Variants in ZNF417 observed in about 807,000 individuals in gnomAD.
The protein encoded by ZNF417 is zinc finger protein 417.
In ZNF417, 5 loss-of-function variants were observed where a neutral mutation model predicts 7.4. That is an observed-to-expected ratio of 0.68 (90% CI 0.35 to 1.43). The LOEUF (loss-of-function observed/expected upper bound fraction) is 1.43, where lower values mean the gene tolerates loss of function less well. ZNF417 is among the 40% of genes most tolerant of loss of function. The pLI is 0.04. For missense variants in ZNF417, 437 were observed against 697.3 expected (o/e 0.63, Z 4.20); for synonymous variants, 147 against 239.1 (o/e 0.61, Z 3.55).
At chr19:57,914,135 A>G (rs188323714) in intron 1 of ZNF417, among the ~76,000 whole-genome samples, 12 of 152,278 alleles carry the variant, frequency 7.9e-5, no homozygotes, top group Non-Finnish European at 1.3e-4. Flanking sequence ...TGCTAAGATC[A>G]AAAACCTTGG....
rs771388238 is a variant in ZNF417 at position 57,909,276 on chromosome 19, A to C, written c.1002T>G (p.Gly334=). The C allele has an allele frequency of 1.9e-6, 3 of 1,613,996 alleles. No homozygotes were observed. The Admixed American group carries it at 5.0e-5, about 27-fold the overall frequency. The change falls in exon 3 of 3, where the codon GGT becomes GGG. Residue 334 remains glycine (G), a synonymous_variant. Transcript: ENST00000312026. ...YECREYGKSF[G]QKGNLIQHQQ... is the part of the protein sequence containing the mutation. The stretch of plus-strand genomic sequence containing the variant: ...GATGTTGAATGAGGTTACCCTTTTG[A>C]CCAAAAGATTTCCCATATTCTCTAC...
In ZNF417 at chr19:57,916,528, C is replaced by G. The variant is rs994913227; in HGVS notation, c.-117G>C. 4 of 1,572,634 alleles carry G rather than the reference C, an allele frequency of 2.5e-6. No homozygotes were observed. The highest frequency in any genetic ancestry group is 2.6e-6 in the Non-Finnish European group (3 of 1,160,084). The stretch of plus-strand genomic sequence containing the variant: ...CCTTCTAGGTTCAGTCACCGCGGTC[C>G]CCCCCCAGCACTCAGGGGCCACAAA... On this transcript the variant is annotated 5_prime_UTR_variant, in exon 1 of 3. Transcript: ENST00000312026.
intron 1 of ZNF417, among the ~76,000 whole-genome samples, chr19:57,915,952 A>C (rs1381666524): frequency 6.6e-6 from 1 of 152,170 alleles, no homozygotes; most frequent in African/African-American, 2.4e-5. Context: ...CTGCCATCCC[A>C]CCCAGAACAG....
rs2071842169 is a variant in ZNF417 at position 57,907,354 on chromosome 19, AT to A, written c.*1195del. 6.5e-6 allele frequency: 1 copy of A among 153,730 alleles called. No individual in the cohort carries two copies. Among genetic ancestry groups the A allele is most frequent in the Non-Finnish European group, 1.5e-5 (1 of 68,214 alleles). 9.5% of individuals were successfully genotyped at this position (153,730 alleles called of 1,614,324 possible). A position where few individuals can be genotyped will look rare whatever the true frequency, so the allele number is the denominator to read the frequency against. ...CATATGTAAAAAATGTTATAAAGAC[AT>A]TAAGTGTCCACTCAATAACTTTGAT... On this transcript the variant is annotated 3_prime_UTR_variant, in exon 3 of 3. Coordinates refer to ENST00000312026, the MANE Select transcript of ZNF417 (RefSeq NM_152475.3).
At chr19:57,915,787 C>T (rs2071942266) in intron 1 of ZNF417, 3 of 411,286 alleles carry the variant, frequency 7.3e-6, no homozygotes, top group African/African-American at 2.1e-5. Context: ...AGGGGTCATG[C>T]AGCTTCTGAC....
chr19:57,915,381 C>A, intron 1 of ZNF417: 1 of 293,980 alleles, frequency 3.4e-6, no homozygotes, highest in South Asian at 4.4e-5. Flanking sequence ...CCAGGGAGAG[C>A]TCCACCTCAC....
rs548059639 is a variant in ZNF417 at position 57,908,448 on chromosome 19, T to A, written c.*102A>T. ...CCAAGGAGAGCAGACATTCTGATGT[T>A]TCCCAGATTGACAGCACTCATAAGG... On this transcript the variant is annotated 3_prime_UTR_variant, in exon 3 of 3. Coordinates refer to ENST00000312026, the MANE Select transcript of ZNF417 (RefSeq NM_152475.3). 8 of 1,590,484 alleles carry A rather than the reference T, an allele frequency of 5.0e-6. No individual in the cohort carries two copies. In the East Asian group the frequency reaches 6.7e-5, roughly 13 times the overall value.
At chr19:57,910,184 C>T (rs901961199) in intron 2 of ZNF417, 70 bp from the exon 3 acceptor site, 15 of 1,535,694 alleles carry the variant, frequency 9.8e-6, no homozygotes, top group Middle Eastern at 3.5e-4. Context: ...CCCACAAGTA[C>T]GTCTCACAAA....
intron 1 of ZNF417, 135 bp from the exon 2 acceptor site, chr19:57,912,324 C>G (rs1415348590): frequency 4.1e-6 from 6 of 1,476,136 alleles, no homozygotes; most frequent in Non-Finnish European, 5.4e-6. Context: ...CCACTAGTGC[C>G]TTTGTCTCTT....
Position 57,908,267 on chromosome 19 carries a change from G to C in ZNF417, c.*283C>G, listed in dbSNP as rs1165828605. 1 of 493,060 alleles carries C rather than the reference G, an allele frequency of 2.0e-6. No homozygotes were observed. The highest frequency in any genetic ancestry group is 1.9e-5 in the African/African-American group (1 of 51,884). The allele number at this position is 493,060 out of a possible 1,614,324, so 30.5% of individuals were successfully genotyped here. ...GAAAACCAAGTATTTGGCCGGGCAT[G>C]GTGTGGTGTACTCGTAATCTCAGCT... On this transcript the variant is annotated 3_prime_UTR_variant, in exon 3 of 3. Coordinates refer to ENST00000312026, the MANE Select transcript of ZNF417 (RefSeq NM_152475.3).
At position 57,909,383 on chromosome 19, in the gene ZNF417, C is replaced by G. The variant is rs553929805; in HGVS notation, c.895G>C (p.Glu299Gln). 2 of 1,614,196 alleles carry G rather than the reference C, an allele frequency of 1.2e-6. No individual in the cohort carries two copies. The highest frequency in any genetic ancestry group is 3.3e-5 in the Admixed American group (2 of 60,028). ...VHTGKTAYPC[E>Q]ECGKSFSQKG... ...TGACTAAAAGATTTCCCGCACTCCTCACAGGGATAAGCTGTCTTTCCAGTG... is the reference window on the plus strand; with the variant it reads ...TGACTAAAAGATTTCCCGCACTCCTGACAGGGATAAGCTGTCTTTCCAGTG... The change falls in exon 3 of 3, where the codon GAG becomes CAG. Residue 299 changes from glutamate (E) to glutamine (Q), a missense_variant. Around this residue, in one of 5 missense-constraint regions of ZNF417, gnomAD observed 34 missense variants for 33.3 expected, o/e 1.02. Coordinates refer to ENST00000312026, the MANE Select transcript of ZNF417 (RefSeq NM_152475.3).
chr19:57,909,136 T>C lies in ZNF417; in HGVS notation c.1142A>G (p.Lys381Arg), dbSNP rs561975277. The C allele has an allele frequency of 1.2e-5, 20 of 1,614,030 alleles. No homozygotes were observed. In the Admixed American group the frequency reaches 3.2e-4, roughly 26 times the overall value. Reference sequence around the variant, plus strand: ...AAAAGATTTTCCACATTCTCCACACTTGTAAGGCCTTTCTCCAGTGTGAAC... The same window carrying C: ...AAAAGATTTTCCACATTCTCCACACCTGTAAGGCCTTTCTCCAGTGTGAAC... ...QRVHTGERPYKCGECGKSFGQ... is the reference protein window; with the variant it reads ...QRVHTGERPYRCGECGKSFGQ... The change falls in exon 3 of 3, where the codon AAG becomes AGG. Residue 381 changes from lysine to arginine, a missense_variant. Lys to Arg is a conservative substitution (Grantham distance 26). Coordinates refer to ENST00000312026, the MANE Select transcript of ZNF417 (RefSeq NM_152475.3).
Position 57,908,913 on chromosome 19 carries a change from C to A in ZNF417, c.1365G>T (p.Glu455Asp), listed in dbSNP as rs749426327. Reference protein sequence around the residue: ...FNRKYHLLVHERVHTGERPYA... With the variant: ...FNRKYHLLVHDRVHTGERPYA... ...ATGGCCTTTCTCCAGTGTGAACTCT[C>A]TCATGAACGAGAAGATGATACTTCC... is the stretch of plus-strand genomic sequence containing the variant. Residue 455 changes from glutamate to aspartate, a missense_variant, in exon 3 of 3, where the codon GAG becomes GAT. Physicochemically the swap from Glu to Asp is conservative, Grantham distance 45. Coordinates refer to ENST00000312026, the MANE Select transcript of ZNF417 (RefSeq NM_152475.3). 16 of 1,614,188 alleles carry A rather than the reference C, an allele frequency of 9.9e-6. No individual in the cohort carries two copies. The South Asian group carries it at 1.8e-4, about 18-fold the overall frequency.
chr19:57,910,195 T>C (rs997457492), intron 2 of ZNF417, 81 bp from the exon 3 acceptor site: 33 of 1,525,800 alleles, frequency 2.2e-5, no homozygotes, highest in African/African-American at 5.6e-5. Context: ...GTCTCACAAA[T>C]TGAGGAATTA....
Position 57,908,215 on chromosome 19 carries a change from T to C in ZNF417, c.*335A>G, listed in dbSNP as rs745651990. On this transcript the variant is annotated 3_prime_UTR_variant, in exon 3 of 3. Transcript: ENST00000312026. Reference sequence around the variant, plus strand: ...CACTTATGATTCCACATGAAGTGGATAACCAGCTCATAGCTCTTGTGGTAC... The same window carrying C: ...CACTTATGATTCCACATGAAGTGGACAACCAGCTCATAGCTCTTGTGGTAC... 123 of 368,482 alleles carry C rather than the reference T, an allele frequency of 3.3e-4. No homozygotes were observed. Among genetic ancestry groups the C allele is most frequent in the Non-Finnish European group, 5.6e-4 (111 of 199,032 alleles). 22.8% of individuals were successfully genotyped at this position (368,482 alleles called of 1,614,324 possible).
rs10416686 is a variant in ZNF417, at chr19:57,909,348, G to C, written c.930C>G (p.Ser310Arg). Residue 310 changes from serine to arginine, a missense_variant, in exon 3 of 3, where the codon AGC becomes AGG. By Grantham distance (110) the Ser-to-Arg change is moderately radical (BLOSUM62 -1). Transcript: ENST00000312026. ...ECGKSFSQKG[S>R]LISHQRVHTG... Reference sequence around the variant, plus strand: ...TGTGAACACGCTGATGGCTAATAAGGCTGCCCTTCTGACTAAAAGATTTCC... The same window carrying C: ...TGTGAACACGCTGATGGCTAATAAGCCTGCCCTTCTGACTAAAAGATTTCC... 5.5e-3 allele frequency: 8,851 copies of C among 1,613,454 alleles called. 174 individuals are homozygous for C. In the African/African-American group the frequency reaches 0.1, roughly 19 times the overall value.
In ZNF417 at chr19:57,906,845, A is replaced by ATTTTT. The variant is rs767973198; in HGVS notation, c.*1700_*1704dup. On this transcript the variant is annotated 3_prime_UTR_variant, in exon 3 of 3. Coordinates refer to ENST00000312026, the MANE Select transcript of ZNF417 (RefSeq NM_152475.3). ...TAAAAGGTAACATTTAGGGATTGAG[A>ATTTTT]TTTTTTTTTTTTTTTTTTTTTTTTT... 9.1e-6 allele frequency: 1 copy of ATTTTT among 109,882 alleles called. No individual in the cohort carries two copies. The highest frequency in any genetic ancestry group is 1.8e-5 in the Non-Finnish European group (1 of 55,592). The allele number at this position is 109,882 out of a possible 1,614,324, so 6.8% of individuals were successfully genotyped here. A position where few individuals can be genotyped will look rare whatever the true frequency, so the allele number is the denominator to read the frequency against.
rs2071883184 is a variant in ZNF417 at position 57,909,877 on chromosome 19, T to C, written c.401A>G (p.Tyr134Cys). 3.3e-6 allele frequency: 5 copies of C among 1,536,776 alleles called. No individual in the cohort carries two copies. Among genetic ancestry groups the C allele is most frequent in the Non-Finnish European group, 4.4e-6 (5 of 1,132,078 alleles). ...ATGCTGCTTCTGGTGCTGATGAAGGTATGCAGTGTCATCCAAGTTTTTTCC... is the reference window on the plus strand; with the variant it reads ...ATGCTGCTTCTGGTGCTGATGAAGGCATGCAGTGTCATCCAAGTTTTTTCC... The part of the protein sequence containing the change: ...ACGKNLDDTA[Y>C]LHQHQKQHIG... Residue 134 changes from tyrosine (Y) to cysteine (C), a missense_variant, in exon 3 of 3, where the codon TAC (tyrosine) becomes TGC (cysteine). Coordinates refer to ENST00000312026, the MANE Select transcript of ZNF417 (RefSeq NM_152475.3).
Position 57,908,280 on chromosome 19 carries a change from C to T in ZNF417, c.*270G>A, listed in dbSNP as rs113103514. On this transcript the variant is annotated 3_prime_UTR_variant, in exon 3 of 3. Coordinates refer to ENST00000312026, the MANE Select transcript of ZNF417 (RefSeq NM_152475.3). The stretch of plus-strand genomic sequence containing the variant: ...TTGGCCGGGCATGGTGTGGTGTACT[C>T]GTAATCTCAGCTCCTTGGGAGGCTG... 43 of 530,574 alleles carry T rather than the reference C, an allele frequency of 8.1e-5. No homozygotes were observed. Among genetic ancestry groups the T allele is most frequent in the African/African-American group, 2.1e-4 (11 of 52,528 alleles). The allele number at this position is 530,574 out of a possible 1,614,324, so 32.9% of individuals were successfully genotyped here.
Sources: gnomAD v4.1 joint callset for allele counts (sites outside exome capture counted in the v4.1 genomes callset) on GRCh38, gnomAD v4.1.1 for gene constraint, gnomAD v4.1.1 regional missense constraint, MANE v1.5 for transcripts, NCBI Gene and HGNC (gene_info 2026-07-23, HGNC 2026-07-21) for gene names.